Variants in CPEB4 observed in about 807,000 individuals in gnomAD.
The protein encoded by CPEB4 is cytoplasmic polyadenylation element-binding protein 4.
CPEB4 carries 12 observed loss-of-function variants against 72.5 expected under a neutral mutation model. The observed-to-expected ratio is 0.17, with a 90% CI of 0.11 to 0.27. The LOEUF (loss-of-function observed/expected upper bound fraction) is 0.27. Among genes scored for constraint, CPEB4 ranks in the 10% least tolerant of loss-of-function variants. CPEB4 has a pLI of 1.00. For missense variants in CPEB4, 614 were observed against 908.5 expected (o/e 0.68, Z 4.17); for synonymous variants, 302 against 326.3 (o/e 0.93, Z 0.80).
intron 2 of CPEB4, among the ~76,000 whole-genome samples, chr5:173,920,108 T>G (rs911674179): frequency 2.0e-5 from 3 of 152,256 alleles, no homozygotes; most frequent in African/African-American, 7.2e-5. Context: ...TTTATCTAAT[T>G]GACTGATTCT....
Position 173,890,018 on chromosome 5 carries a change from G to A in CPEB4, c.285G>A (p.Gln95=), listed in dbSNP as rs761403817. Residue 95 remains glutamine, a synonymous_variant, in exon 1 of 10, where the codon CAG becomes CAA. Coordinates refer to ENST00000265085, the MANE Select transcript of CPEB4 (RefSeq NM_030627.4). ...QEQQDPLEKQ[Q]LSPSPGQEAG... is the part of the protein sequence containing the mutation. ...AGCAAGACCCCTTAGAAAAGCAGCA[G>A]CTTTCCCCAAGTCCAGGTCAGGAAG... is the stretch of plus-strand genomic sequence containing the variant. 5 of 1,614,190 alleles carry A rather than the reference G, an allele frequency of 3.1e-6. No individual in the cohort carries two copies. The highest frequency in any genetic ancestry group is 4.2e-6 in the Non-Finnish European group (5 of 1,180,034).
chr5:173,925,618 T>C (rs1757215634), intron 2 of CPEB4, among the ~76,000 whole-genome samples: 1 of 152,254 alleles, frequency 6.6e-6, no homozygotes, highest in Admixed American at 6.5e-5. Flanking sequence ...AACCAGTGGA[T>C]TTATTACACA....
Position 173,956,332 on chromosome 5 carries a change from C to T in CPEB4, c.*195C>T. On this transcript the variant is annotated 3_prime_UTR_variant, in exon 10 of 10. Transcript: ENST00000265085. ...GTGTCACTGCAAACAATATGAACTC[C>T]TTTTTCGTATTGCCATCGGGTTGCA... The T allele has an allele frequency of 2.0e-6, 1 of 491,756 alleles. No individual in the cohort carries two copies. The highest frequency in any genetic ancestry group is 3.1e-5 in the East Asian group (1 of 32,218). The allele number at this position is 491,756 out of a possible 1,614,324, so 30.5% of individuals were successfully genotyped here. A position where few individuals can be genotyped will look rare whatever the true frequency, so the allele number is the denominator to read the frequency against.
intron 2 of CPEB4, among the ~76,000 whole-genome samples, chr5:173,930,401 A>G (rs895479462): frequency 1.3e-5 from 2 of 151,754 alleles, no homozygotes; most frequent in Admixed American, 6.5e-5. Flanking sequence ...TGCTCGTAGC[A>G]TCTCAAGTCT....
intron 2 of CPEB4, among the ~76,000 whole-genome samples, chr5:173,929,434 C>T (rs532249914): frequency 6.6e-5 from 10 of 152,298 alleles, no homozygotes; most frequent in African/African-American, 2.2e-4. Context: ...TGAGGTGGCT[C>T]ATTCCTGTAA....
rs1407725880 is a variant in CPEB4, at chr5:173,940,601, C to T, written c.1259-2425C>T. 2.0e-5 allele frequency among the ~76,000 whole-genome samples: 3 copies of T among 152,080 alleles called. No homozygotes were observed. The East Asian group carries it at 5.8e-4, about 29-fold the overall frequency. On this transcript the variant is annotated intron_variant, in intron 3 of 9. Transcript: ENST00000265085. ...TGGGTTCTGGTTACATAGATCTGTT[C>T]AATTTGTAGAAAATTCATTGAACTT... is the stretch of plus-strand genomic sequence containing the variant.
chr5:173,960,923 A>G lies in CPEB4; in HGVS notation c.*4786A>G, dbSNP rs1758531222. 1 of 152,238 alleles carries G rather than the reference A, an allele frequency of 6.6e-6. No individual in the cohort carries two copies. The highest frequency in any genetic ancestry group is 1.5e-5 in the Non-Finnish European group (1 of 68,038). 9.4% of individuals were successfully genotyped at this position (152,238 alleles called of 1,614,324 possible). ...CAAGTGCTGTAATGTGTTAGTATTT[A>G]TATTTTAAACTGCATTCTCAAACTT... On this transcript the variant is annotated 3_prime_UTR_variant, in exon 10 of 10. Coordinates refer to ENST00000265085, the MANE Select transcript of CPEB4 (RefSeq NM_030627.4).
chr5:173,929,382 C>G (rs879639159), intron 2 of CPEB4, among the ~76,000 whole-genome samples: 1 of 152,102 alleles, frequency 6.6e-6, no homozygotes, highest in Non-Finnish European at 1.5e-5. Flanking sequence ...TAGTAATTGT[C>G]TTTTGGATTC....
In CPEB4 at chr5:173,926,445, G is replaced by T. The variant is rs371672383; in HGVS notation, c.1208-6005G>T. Among the ~76,000 whole-genome samples, 4 of 152,288 alleles carry T rather than the reference G, an allele frequency of 2.6e-5. No individual in the cohort carries two copies. The South Asian group carries it at 8.3e-4, about 32-fold the overall frequency. ...TGGTAAATATTGGTTCTTCCAACTG[G>T]CAAATGCTTAGCATAGAATTGCCTA... On this transcript the variant is annotated intron_variant, in intron 2 of 9. Coordinates refer to ENST00000265085, the MANE Select transcript of CPEB4 (RefSeq NM_030627.4).
intron 1 of CPEB4, among the ~76,000 whole-genome samples, chr5:173,898,737 C>T (rs1442771534): frequency 3.3e-5 from 5 of 152,144 alleles, no homozygotes; most frequent in Non-Finnish European, 4.4e-5. Flanking sequence ...AGTGCAGTAG[C>T]GCGATCTTGG....
intron 1 of CPEB4, among the ~76,000 whole-genome samples, chr5:173,905,685 T>G (rs527826629): frequency 6.6e-6 from 1 of 152,282 alleles, no homozygotes; most frequent in African/African-American, 2.4e-5. Flanking sequence ...CTTGCCTTTT[T>G]GTGGGCAAAA....
chr5:173,893,215 A>G (rs1251619537), intron 1 of CPEB4: 1 of 152,262 alleles, frequency 6.6e-6, no homozygotes, highest in Non-Finnish European at 1.5e-5. Flanking sequence ...ATTCTTACTT[A>G]AATGGATACA....
Position 173,891,972 on chromosome 5 carries a change from TA to T in CPEB4, c.1125+1125del, listed in dbSNP as rs554397380. Among the ~76,000 whole-genome samples, 982 of 144,446 alleles carry T rather than the reference TA, an allele frequency of 6.8e-3. 6 individuals are homozygous for T. Among genetic ancestry groups the T allele is most frequent in the Middle Eastern group, 0.018 (5 of 282 alleles). 94.8% of individuals were successfully genotyped at this position (144,446 alleles called of 152,430 possible). A position where few individuals can be genotyped will look rare whatever the true frequency, so the allele number is the denominator to read the frequency against. On this transcript the variant is annotated intron_variant, in intron 1 of 9. Transcript: ENST00000265085. ...GCTGGTCAGAGTACAAATTCTAAGT[TA>T]AAAAAAAAAACAAACCCAAGGATTG... is the stretch of plus-strand genomic sequence containing the variant.
In CPEB4 at chr5:173,957,051, T is replaced by C. The variant is rs947360632; in HGVS notation, c.*914T>C. ...CTGAAGAATAAATGTATAAATGTTA[T>C]TTTTGATGTTTATATATAAACTCTA... On this transcript the variant is annotated 3_prime_UTR_variant, in exon 10 of 10. Transcript: ENST00000265085. 1 of 152,676 alleles carries C rather than the reference T, an allele frequency of 6.5e-6. No individual in the cohort carries two copies. Among genetic ancestry groups the C allele is most frequent in the Non-Finnish European group, 1.5e-5 (1 of 68,020 alleles). The allele number at this position is 152,676 out of a possible 1,614,324, so 9.5% of individuals were successfully genotyped here. A position where few individuals can be genotyped will look rare whatever the true frequency, so the allele number is the denominator to read the frequency against.
intron 1 of CPEB4, among the ~76,000 whole-genome samples, chr5:173,893,792 G>A (rs901220892): frequency 9.9e-5 from 15 of 152,066 alleles, no homozygotes; most frequent in African/African-American, 1.9e-4. Flanking sequence ...TGATTTTTAC[G>A]TTTGTTTACT....
intron 2 of CPEB4, among the ~76,000 whole-genome samples, chr5:173,912,388 G>A (rs79347380): frequency 1.9e-3 from 289 of 152,236 alleles, no homozygotes; most frequent in African/African-American, 6.5e-3. Context: ...TTGTATTATA[G>A]TTATGTAAAA....
At position 173,901,674 on chromosome 5, in the gene CPEB4, TCTC is replaced by T. The variant is rs1459209934; in HGVS notation, c.1126-8846_1126-8844del. 3.3e-5 allele frequency among the ~76,000 whole-genome samples: 5 copies of T among 152,290 alleles called. No individual in the cohort carries two copies. In the East Asian group the frequency reaches 7.7e-4, roughly 23 times the overall value. On this transcript the variant is annotated intron_variant, in intron 1 of 9. Transcript: ENST00000265085. ...GACTTTGTAGGGCAATTAGTTAACT[TCTC>T]CTAGCTTCATTTGCCTACGATGGGG...
chr5:173,900,229 A>G lies in CPEB4; in HGVS notation c.1125+9371A>G, dbSNP rs561911951. Among the ~76,000 whole-genome samples, 3 of 152,106 alleles carry G rather than the reference A, an allele frequency of 2.0e-5. No homozygotes were observed. The East Asian group carries it at 5.8e-4, about 29-fold the overall frequency. On this transcript the variant is annotated intron_variant, in intron 1 of 9. Transcript: ENST00000265085. This position sits in a 1 kb window ranked among gnomAD's most constrained non-coding sequence, Gnocchi z 4.4. ...GAGACCAGCCTGACCAATATGGAGA[A>G]ACCCCATCTCTACTAAAAATACAAA...
At position 173,890,453 on chromosome 5, in the gene CPEB4, G is replaced by C. The variant is rs1364513796; in HGVS notation, c.720G>C (p.Gln240His). The C allele has an allele frequency of 3.1e-6, 5 of 1,612,362 alleles. No homozygotes were observed. Among genetic ancestry groups the C allele is most frequent in the Non-Finnish European group, 4.2e-6 (5 of 1,179,052 alleles). ...SQHHPHHPHF[Q>H]HHHSQHQQQR... ...ACCACCCACATCACCCTCATTTCCA[G>C]CATCATCACAGCCAGCATCAGCAGC... The change falls in exon 1 of 10, where the codon CAG (glutamine) becomes CAC (histidine). Residue 240 changes from glutamine to histidine, a missense_variant. Transcript: ENST00000265085.
Sources: gnomAD v4.1 joint callset for allele counts (sites outside exome capture counted in the v4.1 genomes callset) on GRCh38, gnomAD v4.1.1 for gene constraint, Gnocchi (gnomAD v3.1) non-coding constraint, MANE v1.5 for transcripts, NCBI Gene and HGNC (gene_info 2026-07-23, HGNC 2026-07-21) for gene names.